TMC2: variants seen among roughly 807,000 people sequenced by gnomAD.
TMC2 encodes transmembrane channel like 2.
In TMC2, 102 loss-of-function variants were observed where a neutral mutation model predicts 105.9. The observed-to-expected ratio is 0.96, with a 90% CI of 0.82 to 1.14. The LOEUF (loss-of-function observed/expected upper bound fraction) is 1.14. TMC2 is among the 50% of genes most tolerant of loss of function. The pLI is 0.00. For synonymous variants in TMC2, 402 were observed against 422.8 expected (o/e 0.95, Z 0.60); for missense variants, 1,093 against 1,134.3 (o/e 0.96, Z 0.52).
intron 7 of TMC2, among the ~76,000 whole-genome samples, chr20:2,587,524 G>T (rs1412689148): frequency 4.2e-5 from 1 of 23,846 alleles, no homozygotes; most frequent in Non-Finnish European, 7.0e-5. Flanking sequence ...AAAGTGATTT[G>T]GGAATGTTTT....
chr20:2,564,252 G>A (rs1239239559), intron 4 of TMC2, among the ~76,000 whole-genome samples: 1 of 148,138 alleles, frequency 6.8e-6, no homozygotes, highest in Non-Finnish European at 1.5e-5. Flanking sequence ...CCAGGTTCAA[G>A]CGATTCTCCT....
In TMC2 at chr20:2,627,238, G is replaced by C. The variant is rs534513177; in HGVS notation, c.2306+2842G>C. Among the ~76,000 whole-genome samples, 4 of 152,214 alleles carry C rather than the reference G, an allele frequency of 2.6e-5. No homozygotes were observed. In the East Asian group the frequency reaches 5.8e-4, roughly 22 times the overall value. On this transcript the variant is annotated intron_variant, in intron 17 of 19. Coordinates refer to ENST00000358864, the MANE Select transcript of TMC2 (RefSeq NM_080751.3). ...TTTGGCCTCCACCACCCTCCACCTT[G>C]GCAGGGCTTAAAACCCATTCTCTCT...
rs569435491 is a variant in TMC2 at position 2,553,409 on chromosome 20, T to C, written c.83-5047T>C. On this transcript the variant is annotated intron_variant, in intron 2 of 19. Coordinates refer to ENST00000358864, the MANE Select transcript of TMC2 (RefSeq NM_080751.3). ...ATTACATCAATTGATTTTCTAATGT[T>C]GAGCCAGTCTTGCATACCTGGACTA... is the stretch of plus-strand genomic sequence containing the variant. 6.6e-5 allele frequency among the ~76,000 whole-genome samples: 10 copies of C among 152,336 alleles called. No homozygotes were observed. The South Asian group carries it at 2.1e-3, about 32-fold the overall frequency.
chr20:2,588,463 T>A (rs1023659093), intron 7 of TMC2, among the ~76,000 whole-genome samples: 7 of 152,210 alleles, frequency 4.6e-5, no homozygotes, highest in South Asian at 2.1e-4. Flanking sequence ...TGTGAGCTAA[T>A]AAATGGTGTT....
intron 9 of TMC2, among the ~76,000 whole-genome samples, chr20:2,595,754 C>CTT (rs777735338): frequency 0.55 from 83,832 of 151,422 alleles, 23,282 homozygotes; most frequent in East Asian, 0.67. Flanking sequence ...GGGGTCACAG[C>CTT]CTCCCAGAAG....
intron 5 of TMC2, among the ~76,000 whole-genome samples, chr20:2,573,378 CT>C (rs2086116767): frequency 6.6e-6 from 1 of 152,060 alleles, no homozygotes; most frequent in African/African-American, 2.4e-5. Flanking sequence ...CCCTATAGAT[CT>C]TTTCCATGTT....
At chr20:2,589,270 CTGTGTGTG>C (rs750496572) in intron 7 of TMC2, among the ~76,000 whole-genome samples, 98 of 116,350 alleles carry the variant, frequency 8.4e-4, no homozygotes, top group African/African-American at 2.7e-3. Flanking sequence ...CCTATTTGCC[CTGTGTGTG>C]TGTGTGTGTG....
chr20:2,551,541 A>T (rs1270434808), intron 2 of TMC2, among the ~76,000 whole-genome samples: 1 of 151,170 alleles, frequency 6.6e-6, no homozygotes, highest in Admixed American at 6.6e-5. Context: ...TTTTGTTTTC[A>T]TTTATGCTGT....
chr20:2,549,553 G>A (rs1387260839), intron 2 of TMC2, among the ~76,000 whole-genome samples: 1 of 152,074 alleles, frequency 6.6e-6, no homozygotes, highest in Non-Finnish European at 1.5e-5. Flanking sequence ...GACCAGCCTG[G>A]CCAACACGGT....
At chr20:2,548,310 T>C (rs1180837539) in intron 2 of TMC2, among the ~76,000 whole-genome samples, 1 of 152,246 alleles carries the variant, frequency 6.6e-6, no homozygotes, top group African/African-American at 2.4e-5. Flanking sequence ...CTTAAAATTA[T>C]GTTTAGTAAT....
At chr20:2,574,656 G>A (rs1007131713) in intron 5 of TMC2, among the ~76,000 whole-genome samples, 2 of 152,002 alleles carry the variant, frequency 1.3e-5, no homozygotes, top group African/African-American at 4.8e-5. Flanking sequence ...TTTCATATGT[G>A]TTAACAGAAA....
At chr20:2,604,231 G>A (rs2086372804) in intron 11 of TMC2, among the ~76,000 whole-genome samples, 1 of 152,204 alleles carries the variant, frequency 6.6e-6, no homozygotes, top group Non-Finnish European at 1.5e-5. Context: ...GCCAGGTCCT[G>A]GCTGCTTTTA....
chr20:2,632,975 G>A (rs1306734475), intron 17 of TMC2, among the ~76,000 whole-genome samples: 1 of 69,858 alleles, frequency 1.4e-5, no homozygotes, highest in African/African-American at 4.9e-5. Flanking sequence ...CCCTTCCATG[G>A]GTTTGTTGTT....
intron 7 of TMC2, among the ~76,000 whole-genome samples, chr20:2,590,408 T>C (rs1270461845): frequency 6.6e-6 from 1 of 152,112 alleles, no homozygotes; most frequent in East Asian, 1.9e-4. Flanking sequence ...CTTTTTATTA[T>C]GATCAACTAT....
intron 9 of TMC2, 129 bp from the exon 10 acceptor site, chr20:2,597,022 T>C: frequency 1.0e-6 from 1 of 999,258 alleles, no homozygotes; most frequent in South Asian, 1.7e-5. Context: ...CTGCCTGGCT[T>C]GTTTTGTCAC....
intron 3 of TMC2, among the ~76,000 whole-genome samples, chr20:2,559,259 A>G (rs896269125): frequency 6.6e-6 from 1 of 152,220 alleles, no homozygotes; most frequent in Non-Finnish European, 1.5e-5. Context: ...TCTGCTGGAA[A>G]TGTGGCACTG....
chr20:2,602,426 T>A (rs1324992579), intron 11 of TMC2, 125 bp downstream of exon 11: 3 of 676,998 alleles, frequency 4.4e-6, no homozygotes, highest in Non-Finnish European at 6.8e-6. Flanking sequence ...TGAAATTACA[T>A]CCCCTTCCAG....
intron 16 of TMC2, among the ~76,000 whole-genome samples, chr20:2,624,063 G>A (rs1397383114): frequency 1.3e-5 from 2 of 152,344 alleles, no homozygotes; most frequent in East Asian, 1.9e-4. Flanking sequence ...CCGGTGAGCC[G>A]TGTGCCGACC....
chr20:2,610,395 A>T (rs1310767828), intron 11 of TMC2, 24 bp from the exon 12 acceptor site: 4 of 1,596,452 alleles, frequency 2.5e-6, no homozygotes, highest in Non-Finnish European at 3.4e-6. Flanking sequence ...TGATGACACA[A>T]CGTAGGCTTT....
Sources: allele counts gnomAD v4.1 joint callset (sites outside exome capture counted in the v4.1 genomes callset), GRCh38; gene constraint gnomAD v4.1.1; transcripts MANE v1.5; gene names NCBI Gene and HGNC (gene_info 2026-07-23, HGNC 2026-07-21).